The following MS4A6A variants were observed in gnomAD, a reference collection of about 807,000 sequenced individuals.
MS4A6A encodes the protein membrane spanning 4-domains A6A.
In MS4A6A, 19 loss-of-function variants were observed where a neutral mutation model predicts 20.6. The observed-to-expected ratio is 0.92, with a 90% confidence interval of 0.64 to 1.36. MS4A6A has a LOEUF of 1.36. Among genes scored for constraint, MS4A6A ranks in the 40% most tolerant of loss-of-function variants. The pLI, the probability that MS4A6A is intolerant of heterozygous loss-of-function variation, is 0.00. For missense variants in MS4A6A, 272 were observed against 261.1 expected, an observed-to-expected ratio of 1.04 and a Z score of -0.29; for synonymous variants, 108 against 105.0, an observed-to-expected ratio of 1.03 and a Z score of -0.17.
At chr11:60,174,616 C>T (rs1856745936) in intron 5 of MS4A6A, among the ~76,000 whole-genome samples, 2 of 152,212 alleles carry the variant, frequency 1.3e-5, no homozygotes, top group South Asian at 2.1e-4. Flanking sequence ...GAGCCACTGA[C>T]CCAGCCGTCC....
chr11:60,181,689 C>A lies in MS4A6A; in HGVS notation c.39G>T (p.Val13=). 6.2e-7 allele frequency: 1 copy of A among 1,614,084 alleles called. No homozygotes were observed. The highest frequency in any genetic ancestry group is 8.5e-7 in the Non-Finnish European group (1 of 1,179,980). The change falls in exon 2 of 6, where the codon GTG becomes GTT. Residue 13 remains valine, a synonymous_variant. Transcript: ENST00000528851. ...SQPVPNETII[V]LPSNVINFSQ... Reference sequence around the variant, plus strand: ...AGAAGTTGATGACATTTGATGGGAGCACTATGATGGTCTCATTGGGAACAG... The same window carrying A: ...AGAAGTTGATGACATTTGATGGGAGAACTATGATGGTCTCATTGGGAACAG...
At chr11:60,180,821 A>T (rs775094451) in intron 2 of MS4A6A, 1 of 322,578 alleles carries the variant, frequency 3.1e-6, no homozygotes, top group Non-Finnish European at 6.1e-6. Flanking sequence ...CCTTCCTGAC[A>T]TCCACCTCAG....
intron 5 of MS4A6A, among the ~76,000 whole-genome samples, chr11:60,174,147 A>G (rs980877970): frequency 2.6e-5 from 4 of 152,058 alleles, no homozygotes; most frequent in Admixed American, 1.3e-4. Flanking sequence ...TGTCAGCCTC[A>G]TTTACTTGTA....
chr11:60,175,461 A>G lies in MS4A6A; in HGVS notation c.490T>C (p.Tyr164His), dbSNP rs1856784362. ...NNIPTRSYVS[Y>H]FYHDSLYTTD... ...GTATAAAGTGAATCATGATAAAAGTAAGAAACATAACTTCTTGTTGGTATA... is the reference window on the plus strand; with the variant it reads ...GTATAAAGTGAATCATGATAAAAGTGAGAAACATAACTTCTTGTTGGTATA... Residue 164 changes from tyrosine to histidine, a missense_variant, in exon 5 of 6, where the codon TAC (tyrosine) becomes CAC (histidine). Transcript: ENST00000528851. 6.2e-7 allele frequency: 1 copy of G among 1,614,100 alleles called. No homozygotes were observed. The highest frequency in any genetic ancestry group is 1.3e-5 in the African/African-American group (1 of 74,956).
chr11:60,172,474 A>G, downstream of MS4A6A: 1 of 1,267,170 alleles, frequency 7.9e-7, no homozygotes, highest in Non-Finnish European at 9.9e-7. Context: ...ATTCAGTTAA[A>G]TAAAGCCATA....
intron 5 of MS4A6A, among the ~76,000 whole-genome samples, chr11:60,173,527 T>A (rs536418550): frequency 6.6e-6 from 1 of 152,222 alleles, no homozygotes; most frequent in Non-Finnish European, 1.5e-5. Context: ...CCTGGACAAG[T>A]CTCTCTCTTT....
chr11:60,175,643 C>T (rs765583243), intron 4 of MS4A6A, 32 bp from the exon 5 acceptor site: 10 of 1,598,082 alleles, frequency 6.3e-6, no homozygotes, highest in South Asian at 4.4e-5. Context: ...AGGATCATTG[C>T]TAATGACTCA....
In MS4A6A at chr11:60,178,251, C is replaced by T; in HGVS notation, c.339+9G>A. ...CCATTGGGTTGTGGGTTATAGCTCT[C>T]TTACTCACCAAAAGCTTGGTTAACC... On this transcript the variant is annotated intron_variant, in intron 4 of 5. Coordinates refer to ENST00000528851, the MANE Select transcript of MS4A6A (RefSeq NM_022349.4). 6.2e-7 allele frequency: 1 copy of T among 1,609,568 alleles called. No individual in the cohort carries two copies. Among genetic ancestry groups the T allele is most frequent in the Non-Finnish European group, 8.5e-7 (1 of 1,175,932 alleles).
chr11:60,175,692 A>G, intron 4 of MS4A6A, 81 bp from the exon 5 acceptor site: 2 of 1,445,558 alleles, frequency 1.4e-6, no homozygotes, highest in Non-Finnish European at 1.9e-6. Flanking sequence ...ATTGTAAGTT[A>G]TTCCCTTATC....
chr11:60,176,153 C>G (rs1433094517), intron 4 of MS4A6A, among the ~76,000 whole-genome samples: 1 of 152,196 alleles, frequency 6.6e-6, no homozygotes, highest in East Asian at 1.9e-4. Flanking sequence ...GCACACCTCT[C>G]AAAGATGAGT....
Position 60,181,747 on chromosome 11 carries a change from T to A in MS4A6A, c.-14-6A>T. On this transcript the variant is annotated splice_polypyrimidine_tract_variant and splice_region_variant and intron_variant, in intron 1 of 5. Transcript: ENST00000528851. Reference sequence around the variant, plus strand: ...TGTCATGATGGTGTTGCCAACTATGTAAGAAAAAATAGATTTAGCTCTTAA... The same window carrying A: ...TGTCATGATGGTGTTGCCAACTATGAAAGAAAAAATAGATTTAGCTCTTAA... 6.2e-7 allele frequency: 1 copy of A among 1,612,548 alleles called. No homozygotes were observed. The highest frequency in any genetic ancestry group is 1.7e-5 in the Admixed American group (1 of 59,718).
At chr11:60,180,693 G>A (rs1270126566) in intron 2 of MS4A6A, 4 of 205,504 alleles carry the variant, frequency 1.9e-5, no homozygotes, top group South Asian at 8.0e-5. Context: ...TCTGTTCTAC[G>A]TGTCCATGTG....
At chr11:60,179,407 C>G in intron 3 of MS4A6A, 1 of 448,062 alleles carries the variant, frequency 2.2e-6, no homozygotes. Flanking sequence ...GGTGTAAGTT[C>G]TCCTTCCTCC....
intron 3 of MS4A6A, among the ~76,000 whole-genome samples, chr11:60,178,607 G>A (rs1376975192): frequency 2.6e-5 from 4 of 151,388 alleles, no homozygotes; most frequent in Admixed American, 2.6e-4. Flanking sequence ...AATAAAATGA[G>A]ACAGTTTTGG....
chr11:60,183,116 A>G (rs190189135), upstream of MS4A6A: 114 of 1,535,332 alleles, frequency 7.4e-5, 2 homozygotes, highest in Admixed American at 1.0e-3. Flanking sequence ...GTTTACAGCT[A>G]TACAGGATGT....
At position 60,173,150 on chromosome 11, in the gene MS4A6A, G is replaced by C. The variant is rs115850805; in HGVS notation, c.550-21C>G. On this transcript the variant is annotated intron_variant, in intron 5 of 5. Transcript: ENST00000528851. ...GTTCCCTGAAAGTCAAGAAATAAAA[G>C]ATTGATGTTGCTTAGGTCAGCTGAA... The C allele has an allele frequency of 3.4e-3, 5,535 of 1,608,810 alleles. 174 individuals carry two copies. In the African/African-American group the frequency reaches 0.064, roughly 19 times the overall value.
chr11:60,184,494 C>T (rs1383374960), upstream of MS4A6A: 2 of 152,218 alleles, frequency 1.3e-5, no homozygotes, highest in African/African-American at 4.8e-5. Context: ...AATCACACCC[C>T]CTTTCCCTTC....
intron 3 of MS4A6A, chr11:60,179,542 AT>A (rs956266836): frequency 1.0e-4 from 58 of 558,764 alleles, no homozygotes; most frequent in East Asian, 2.3e-4. Flanking sequence ...TAATTCATGG[AT>A]TTTTTTTTCG....
In MS4A6A at chr11:60,172,582, A is replaced by T; in HGVS notation, c.*419T>A. On this transcript the variant is annotated 3_prime_UTR_variant, in exon 6 of 6. Transcript: ENST00000528851. Reference sequence around the variant, plus strand: ...CAGGGGCAAATGCAGAGCATAAGACATTCACTGGATCCAGTTACGTGTGTA... The same window carrying T: ...CAGGGGCAAATGCAGAGCATAAGACTTTCACTGGATCCAGTTACGTGTGTA... 2.7e-6 allele frequency: 3 copies of T among 1,127,310 alleles called. No individual in the cohort carries two copies. Among genetic ancestry groups the T allele is most frequent in the Non-Finnish European group, 3.3e-6 (3 of 917,090 alleles). 69.8% of individuals were successfully genotyped at this position (1,127,310 alleles called of 1,614,324 possible). A position where few individuals can be genotyped will look rare whatever the true frequency, so the allele number is the denominator to read the frequency against.
Sources: gnomAD v4.1 joint callset for allele counts (sites outside exome capture counted in the v4.1 genomes callset) on GRCh38, gnomAD v4.1.1 for gene constraint, MANE v1.5 for transcripts, NCBI Gene and HGNC (gene_info 2026-07-23, HGNC 2026-07-21) for gene names.